The following SRBD1 variants were observed in gnomAD, a reference collection of about 807,000 sequenced individuals.
SRBD1 encodes S1 RNA-binding domain-containing protein 1.
Under a neutral mutation model 115.3 loss-of-function variants are expected in SRBD1, and 88 were observed. That is an observed-to-expected ratio of 0.76 (90% CI 0.64 to 0.91). The LOEUF is 0.91. Ranked by LOEUF, SRBD1 falls within the 40% of genes least tolerant of loss-of-function variation. SRBD1 has a pLI of 0.00. For missense variants in SRBD1, 1,385 were observed against 1,177.4 expected (o/e 1.18, Z -2.58); for synonymous variants, 509 against 407.7 (o/e 1.25, Z -2.99).
chr2:45,400,607 C>T (rs1187691776), intron 19 of SRBD1, among the ~76,000 whole-genome samples: 1 of 151,966 alleles, frequency 6.6e-6, no homozygotes, highest in Non-Finnish European at 1.5e-5. Context: ...ACCATTGTAA[C>T]TCTCCCCCAC....
At chr2:45,555,218 T>G (rs1375783514) in intron 10 of SRBD1, among the ~76,000 whole-genome samples, 4 of 152,134 alleles carry the variant, frequency 2.6e-5, no homozygotes, top group African/African-American at 9.7e-5. Context: ...AGACCTTGTC[T>G]CTACAAAAAA....
intron 14 of SRBD1, among the ~76,000 whole-genome samples, chr2:45,510,884 T>A (rs983936602): frequency 6.6e-6 from 1 of 152,280 alleles, no homozygotes; most frequent in African/African-American, 2.4e-5. Flanking sequence ...TATAATCACA[T>A]GCAGGCTGCA....
intron 16 of SRBD1, among the ~76,000 whole-genome samples, chr2:45,422,100 T>C (rs1217126429): frequency 1.3e-5 from 2 of 151,896 alleles, no homozygotes; most frequent in African/African-American, 2.4e-5. Context: ...CAAGAAAAAA[T>C]ATCTGAGGAA....
rs142801008 is a variant in SRBD1, at chr2:45,558,855, T to C, written c.1409+3798A>G. Reference sequence around the variant, plus strand: ...TACACGCATGCACCACCATGCCTGGTTAATTTTTGTATTTTGTGTAGAGAC... The same window carrying C: ...TACACGCATGCACCACCATGCCTGGCTAATTTTTGTATTTTGTGTAGAGAC... On this transcript the variant is annotated intron_variant, in intron 10 of 20. Coordinates refer to ENST00000263736, the MANE Select transcript of SRBD1 (RefSeq NM_018079.5). Among the ~76,000 whole-genome samples the C allele has an allele frequency of 9.4e-3, 1,424 of 152,080 alleles. 22 individuals carry two copies. Among genetic ancestry groups the C allele is most frequent in the African/African-American group, 0.032 (1,342 of 41,480 alleles).
intron 9 of SRBD1, among the ~76,000 whole-genome samples, chr2:45,564,445 A>C (rs1672764463): frequency 6.6e-6 from 1 of 152,192 alleles, no homozygotes; most frequent in African/African-American, 2.4e-5. Context: ...CTATATTGGA[A>C]AGGAAGATGT....
intron 14 of SRBD1, among the ~76,000 whole-genome samples, chr2:45,502,188 T>C (rs978789836): frequency 1.3e-5 from 2 of 152,076 alleles, no homozygotes; most frequent in Non-Finnish European, 2.9e-5. Context: ...GGGTCTGGAG[T>C]GGACCTCCAG....
chr2:45,417,721 C>G (rs1449767121), intron 18 of SRBD1, among the ~76,000 whole-genome samples: 2 of 152,220 alleles, frequency 1.3e-5, no homozygotes, highest in African/African-American at 4.8e-5. Context: ...ATCCACACAA[C>G]TGATAATCAA....
At chr2:45,447,452 CA>C (rs11331403) in intron 16 of SRBD1, 125,252 of 151,120 alleles carry the variant, frequency 0.83, 51,989 homozygotes, top group African/African-American at 0.87. Flanking sequence ...ATCTCAAAAA[CA>C]AAAAAAAAAG....
intron 1 of SRBD1, among the ~76,000 whole-genome samples, chr2:45,610,566 C>G (rs754798306): frequency 2.0e-5 from 3 of 152,194 alleles, no homozygotes; most frequent in Non-Finnish European, 4.4e-5. Flanking sequence ...CCATTCCACA[C>G]ACAATATGTT....
At chr2:45,450,640 G>C (rs927119110) in intron 16 of SRBD1, among the ~76,000 whole-genome samples, 3 of 152,232 alleles carry the variant, frequency 2.0e-5, no homozygotes, top group Admixed American at 2.0e-4. Context: ...GTCAATTAAA[G>C]CAATTACAGA....
intron 15 of SRBD1, among the ~76,000 whole-genome samples, chr2:45,482,515 A>T (rs1669995989): frequency 6.6e-6 from 1 of 152,034 alleles, no homozygotes; most frequent in African/African-American, 2.4e-5. Flanking sequence ...TTATAAGTTA[A>T]TAAATTACAG....
At chr2:45,483,187 C>T (rs1226497515) in intron 15 of SRBD1, among the ~76,000 whole-genome samples, 1 of 151,882 alleles carries the variant, frequency 6.6e-6, no homozygotes, top group Non-Finnish European at 1.5e-5. Context: ...GAAACAAGAA[C>T]ATAAAGTACA....
intron 19 of SRBD1, among the ~76,000 whole-genome samples, chr2:45,410,691 C>A (rs920350463): frequency 6.6e-6 from 1 of 152,200 alleles, no homozygotes; most frequent in African/African-American, 2.4e-5. Flanking sequence ...CCTTCAGCTC[C>A]AGACCCCCAA....
intron 14 of SRBD1, among the ~76,000 whole-genome samples, chr2:45,544,534 G>A (rs1415943586): frequency 6.6e-6 from 1 of 151,554 alleles, no homozygotes; most frequent in African/African-American, 2.4e-5. Context: ...CCTATGGTGA[G>A]GCTCAACTAA....
At chr2:45,432,913 C>T (rs1170787052) in intron 16 of SRBD1, among the ~76,000 whole-genome samples, 3 of 152,154 alleles carry the variant, frequency 2.0e-5, no homozygotes, top group African/African-American at 7.2e-5. Context: ...TGAAAAACCT[C>T]CTCAAACTGC....
At chr2:45,500,806 G>C (rs1289020404) in intron 14 of SRBD1, among the ~76,000 whole-genome samples, 2 of 152,110 alleles carry the variant, frequency 1.3e-5, no homozygotes, top group Non-Finnish European at 2.9e-5. Context: ...GGAGTCTTTA[G>C]GTTTTGAAAA....
chr2:45,443,103 G>T (rs950354820), intron 16 of SRBD1, among the ~76,000 whole-genome samples: 13 of 152,170 alleles, frequency 8.5e-5, no homozygotes, highest in African/African-American at 3.1e-4. Flanking sequence ...TTTTATTCCA[G>T]AGACAACGGG....
intron 19 of SRBD1, among the ~76,000 whole-genome samples, chr2:45,404,945 TTCTC>T (rs1667386557): frequency 6.6e-6 from 1 of 152,096 alleles, no homozygotes; most frequent in African/African-American, 2.4e-5. Flanking sequence ...CTGGAACTCT[TTCTC>T]TAGATATCTG....
At chr2:45,518,052 G>GT (rs1414251755) in intron 14 of SRBD1, among the ~76,000 whole-genome samples, 1 of 152,048 alleles carries the variant, frequency 6.6e-6, no homozygotes, top group Admixed American at 6.6e-5. Context: ...ATGAGAAAGT[G>GT]TAATATCATA....
Sources: gnomAD v4.1 joint callset for allele counts (sites outside exome capture counted in the v4.1 genomes callset) on GRCh38, gnomAD v4.1.1 for gene constraint, MANE v1.5 for transcripts, NCBI Gene and HGNC (gene_info 2026-07-23, HGNC 2026-07-21) for gene names.